The following FCGR2A variants were observed in gnomAD, a reference collection of about 807,000 sequenced individuals.
FCGR2A encodes the protein low affinity immunoglobulin gamma Fc region receptor II-a.
A neutral mutation model predicts 29.3 loss-of-function variants in FCGR2A; 18 were observed. The ratio of observed to expected loss-of-function variants is 0.62; its 90% CI spans 0.43 to 0.91. FCGR2A has a LOEUF of 0.91. FCGR2A is among the 40% of genes least tolerant of loss of function. The pLI is 0.00. For missense variants in FCGR2A, 287 were observed against 393.0 expected (o/e 0.73, Z 2.28); for synonymous variants, 126 against 144.8 (o/e 0.87, Z 0.93).
downstream of FCGR2A, chr1:161,523,130 C>T (rs1327785237): frequency 6.6e-6 from 1 of 152,172 alleles, no homozygotes; most frequent in Non-Finnish European, 1.5e-5. Flanking sequence ...CAGCTGCCAG[C>T]TATTGCAGTT....
rs750916273 is a variant in FCGR2A, at chr1:161,513,943, C to G, written c.780+11C>G. The G allele has an allele frequency of 1.9e-6, 3 of 1,614,198 alleles. No homozygotes were observed. Among genetic ancestry groups the G allele is most frequent in the Non-Finnish European group, 1.7e-6 (2 of 1,180,026 alleles). On this transcript the variant is annotated intron_variant, in intron 6 of 6. Transcript: ENST00000271450. ...GCTGCCCAATTTGAGGTGAGTAATC[C>G]CAGCCATCTCCTTTTCCTCCTGCCT... is the stretch of plus-strand genomic sequence containing the variant.
intron 6 of FCGR2A, among the ~76,000 whole-genome samples, chr1:161,517,220 T>C (rs1301655180): frequency 1.3e-5 from 2 of 151,870 alleles, no homozygotes; most frequent in Non-Finnish European, 2.9e-5. Context: ...TTAGCCTCAA[T>C]AGCACCCCAA....
chr1:161,523,875 T>A (rs1240353843), downstream of FCGR2A: 1 of 151,966 alleles, frequency 6.6e-6, no homozygotes, highest in Non-Finnish European at 1.5e-5. Flanking sequence ...AACCCGGGCC[T>A]CCCGCGTGGC....
At chr1:161,517,825 A>T in intron 6 of FCGR2A, 150 bp from the exon 7 acceptor site, 1 of 619,790 alleles carries the variant, frequency 1.6e-6, no homozygotes. Flanking sequence ...ATTTGTATTC[A>T]TTAATTTATT....
At chr1:161,507,807 C>T (rs914309813) in intron 3 of FCGR2A, among the ~76,000 whole-genome samples, 3 of 152,124 alleles carry the variant, frequency 2.0e-5, no homozygotes, top group African/African-American at 7.2e-5. Flanking sequence ...AAATTGAGGG[C>T]TGGGTGTGGT....
At chr1:161,512,057 C>A (rs554773714) in intron 5 of FCGR2A, among the ~76,000 whole-genome samples, 5 of 152,100 alleles carry the variant, frequency 3.3e-5, no homozygotes, top group African/African-American at 9.7e-5. Flanking sequence ...GAGGAGAGGG[C>A]GGTGTTCAAA....
chr1:161,514,703 T>C (rs1288542808), intron 6 of FCGR2A: 1 of 152,932 alleles, frequency 6.5e-6, no homozygotes, highest in African/African-American at 2.4e-5. Context: ...AATCTTGGTA[T>C]TTGACAAGTT....
chr1:161,511,530 C>T (rs1449727168), intron 5 of FCGR2A, among the ~76,000 whole-genome samples: 6 of 152,158 alleles, frequency 3.9e-5, no homozygotes, highest in African/African-American at 1.2e-4. Context: ...GATGCCATGG[C>T]GTGGCCTTTC....
chr1:161,513,027 A>G (rs1330115651), intron 5 of FCGR2A: 1 of 155,866 alleles, frequency 6.4e-6, no homozygotes. Flanking sequence ...GGGTTGCTGG[A>G]ATTGTTGGGG....
At position 161,509,672 on chromosome 1, in the gene FCGR2A, A is replaced by G. The variant is rs1675634079; in HGVS notation, c.365-148A>G. On this transcript the variant is annotated intron_variant, in intron 3 of 6. Coordinates refer to ENST00000271450, the MANE Select transcript of FCGR2A (RefSeq NM_001136219.3). ...ACAGATATAATACCATATATTGCCT[A>G]TAAGAGAATGCTCACATCTGTCATG... The G allele has an allele frequency of 1.5e-5, 16 of 1,089,528 alleles. 1 individual carries two copies. In the South Asian group the frequency reaches 2.0e-4, roughly 13 times the overall value. 67.5% of individuals were successfully genotyped at this position (1,089,528 alleles called of 1,614,324 possible). A position where few individuals can be genotyped will look rare whatever the true frequency, so the allele number is the denominator to read the frequency against.
chr1:161,518,001 C>T lies in FCGR2A; in HGVS notation c.807C>T (p.Ile269=). Residue 269 remains isoleucine, a synonymous_variant, in exon 7 of 7, where the codon ATC becomes ATT. Transcript: ENST00000271450. Reference sequence around the variant, plus strand: ...CACCTGGACGTCAAATGATTGCCATCAGAAAGAGACAACTTGAAGAAACCA... The same window carrying T: ...CACCTGGACGTCAAATGATTGCCATTAGAAAGAGACAACTTGAAGAAACCA... The part of the protein sequence containing the change: ...FEPPGRQMIA[I]RKRQLEETNN... 4 of 1,613,826 alleles carry T rather than the reference C, an allele frequency of 2.5e-6. No individual in the cohort carries two copies. The highest frequency in any genetic ancestry group is 3.4e-6 in the Non-Finnish European group (4 of 1,179,794).
rs147305321 is a variant in FCGR2A at position 161,510,308 on chromosome 1, T to C, written c.619+234T>C. ...CAGGCTGTTGTTTCACTTTGAAATG[T>C]AGGCCCCAGACTAAAGATGGCAGTG... On this transcript the variant is annotated intron_variant, in intron 4 of 6. Transcript: ENST00000271450. 40 of 758,970 alleles carry C rather than the reference T, an allele frequency of 5.3e-5. 1 individual carries two copies. Among genetic ancestry groups the C allele is most frequent in the South Asian group, 2.9e-4 (17 of 58,204 alleles). The allele number at this position is 758,970 out of a possible 1,614,324, so 47.0% of individuals were successfully genotyped here.
downstream of FCGR2A, among the ~76,000 whole-genome samples, chr1:161,522,589 T>C (rs1676497175): frequency 6.6e-6 from 1 of 152,126 alleles, no homozygotes; most frequent in Admixed American, 6.5e-5. Context: ...TTGCAGGCCG[T>C]TGGCAAATGT....
At position 161,506,392 on chromosome 1, in the gene FCGR2A, G is replaced by A. The variant is rs1170194275; in HGVS notation, c.165G>A (p.Glu55=). The change falls in exon 3 of 7, where the codon GAG becomes GAA. Residue 55 remains glutamate (E), a synonymous_variant. Transcript: ENST00000271450. ...LEPPWINVLQ[E]DSVTLTCQGA... ...CCCCGTGGATCAACGTGCTCCAGGA[G>A]GACTCTGTGACTCTGACATGCCAGG... is the stretch of plus-strand genomic sequence containing the variant. 1.9e-6 allele frequency: 3 copies of A among 1,614,242 alleles called. No homozygotes were observed. The highest frequency in any genetic ancestry group is 2.2e-5 in the South Asian group (2 of 91,086).
At chr1:161,517,903 C>T (rs1424235575) in intron 6 of FCGR2A, 72 bp from the exon 7 acceptor site, 3 of 935,004 alleles carry the variant, frequency 3.2e-6, no homozygotes, top group Non-Finnish European at 5.0e-6. Flanking sequence ...GGCTATTATT[C>T]TCCTTATAGT....
At position 161,518,300 on chromosome 1, in the gene FCGR2A, A is replaced by G. The variant is rs1457351939; in HGVS notation, c.*152A>G. 16 of 1,175,552 alleles carry G rather than the reference A, an allele frequency of 1.4e-5. No homozygotes were observed. The East Asian group carries it at 3.9e-4, about 29-fold the overall frequency. The allele number at this position is 1,175,552 out of a possible 1,614,324, so 72.8% of individuals were successfully genotyped here. ...TTAGAAATAGCTTTAACTTTGCTTA[A>G]ACTACAAACACAAGCAAAACTTCAC... On this transcript the variant is annotated 3_prime_UTR_variant, in exon 7 of 7. Transcript: ENST00000271450.
chr1:161,513,725 G>T (rs1675962598), intron 5 of FCGR2A, among the ~76,000 whole-genome samples, 170 bp from the exon 6 acceptor site: 4 of 152,230 alleles, frequency 2.6e-5, no homozygotes, highest in Admixed American at 2.6e-4. Flanking sequence ...GTGACCCCAA[G>T]GGTGGGTACA....
At chr1:161,521,855 T>C (rs527955169), downstream of FCGR2A, among the ~76,000 whole-genome samples, 375 of 152,240 alleles carry the variant, frequency 2.5e-3, 1 homozygote, top group Non-Finnish European at 4.5e-3. Context: ...GTCTCAGGTA[T>C]GTCTTTATTA....
chr1:161,506,188 A>C, intron 2 of FCGR2A, 146 bp from the exon 3 acceptor site: 1 of 1,311,096 alleles, frequency 7.6e-7, no homozygotes, highest in Non-Finnish European at 1.1e-6. Context: ...CTGAAGACCC[A>C]AGGGAATGAG....
Sources: gnomAD v4.1 joint callset for allele counts (sites outside exome capture counted in the v4.1 genomes callset) on GRCh38, gnomAD v4.1.1 for gene constraint, MANE v1.5 for transcripts, NCBI Gene and HGNC (gene_info 2026-07-23, HGNC 2026-07-21) for gene names.